The following NALF1 variants were observed in gnomAD, a reference collection of about 807,000 sequenced individuals.
The protein encoded by NALF1 is NALCN channel auxiliary factor 1.
Under a neutral mutation model 48.4 loss-of-function variants are expected in NALF1, and 3 were observed. That is an observed-to-expected ratio of 0.06 (90% CI 0.03 to 0.16). The LOEUF (loss-of-function observed/expected upper bound fraction) is 0.16, where lower values mean the gene tolerates loss of function less well. NALF1 is among the 10% of genes least tolerant of loss of function. NALF1 has a pLI of 1.00. For synonymous variants in NALF1, 262 were observed against 245.7 expected, an observed-to-expected ratio of 1.07 and a Z score of -0.62; for missense variants, 526 against 571.5, an observed-to-expected ratio of 0.92 and a Z score of 0.81.
intron 1 of NALF1, among the ~76,000 whole-genome samples, chr13:107,489,659 A>G (rs1029545582): frequency 6.6e-6 from 1 of 152,210 alleles, no homozygotes; most frequent in Non-Finnish European, 1.5e-5. Context: ...GCACAAAACT[A>G]TAAGAACCCT....
chr13:107,569,064 A>G (rs930954763), intron 1 of NALF1, among the ~76,000 whole-genome samples: 1 of 152,200 alleles, frequency 6.6e-6, no homozygotes, highest in Non-Finnish European at 1.5e-5. Context: ...TATATTTTAA[A>G]TTTACAAACT....
intron 1 of NALF1, among the ~76,000 whole-genome samples, chr13:107,807,345 C>A (rs1394919524): frequency 6.6e-6 from 1 of 152,054 alleles, no homozygotes; most frequent in Non-Finnish European, 1.5e-5. Flanking sequence ...TCTGCAAGAA[C>A]TAATAAAATC....
chr13:107,296,593 T>C (rs1276936477), intron 1 of NALF1, among the ~76,000 whole-genome samples: 1 of 152,170 alleles, frequency 6.6e-6, no homozygotes, highest in Non-Finnish European at 1.5e-5. Context: ...TCAGCTATAC[T>C]GAAGAAAATT....
intron 1 of NALF1, among the ~76,000 whole-genome samples, chr13:107,702,902 T>A (rs951790914): frequency 6.6e-5 from 10 of 152,202 alleles, no homozygotes; most frequent in African/African-American, 2.4e-4. Flanking sequence ...CTGTATAGTA[T>A]CCCATGGTGT....
intron 1 of NALF1, among the ~76,000 whole-genome samples, chr13:107,277,932 T>C (rs1260552479): frequency 6.6e-6 from 1 of 152,218 alleles, no homozygotes; most frequent in Non-Finnish European, 1.5e-5. Flanking sequence ...TAGATGAATG[T>C]CCATCCCACG....
In NALF1 at chr13:107,682,295, C is replaced by T. The variant is rs116253904; in HGVS notation, c.915+183387G>A. Among the ~76,000 whole-genome samples, 580 of 152,296 alleles carry T rather than the reference C, an allele frequency of 3.8e-3. 3 individuals carry two copies. The highest frequency in any genetic ancestry group is 0.013 in the African/African-American group (549 of 41,576). On this transcript the variant is annotated intron_variant, in intron 1 of 2. Coordinates refer to ENST00000375915, the MANE Select transcript of NALF1 (RefSeq NM_001080396.3). ...CGAAAACAGCCAGCAACTGTGATGGCGATGTCATCTATAAGGAGGAATCTG... is the reference window on the plus strand; with the variant it reads ...CGAAAACAGCCAGCAACTGTGATGGTGATGTCATCTATAAGGAGGAATCTG...
intron 1 of NALF1, among the ~76,000 whole-genome samples, chr13:107,240,417 T>C (rs189420002): frequency 1.3e-5 from 2 of 152,310 alleles, no homozygotes; most frequent in Non-Finnish European, 2.9e-5. Context: ...CATCTCTATC[T>C]CAGTTTCCTA....
At chr13:107,621,272 T>G (rs1879510612) in intron 1 of NALF1, among the ~76,000 whole-genome samples, 1 of 152,218 alleles carries the variant, frequency 6.6e-6, no homozygotes, top group Admixed American at 6.5e-5. Context: ...ATTATCTTTT[T>G]AAGTTAATTT....
At chr13:107,306,917 C>T (rs1034629920) in intron 1 of NALF1, among the ~76,000 whole-genome samples, 1 of 151,974 alleles carries the variant, frequency 6.6e-6, no homozygotes, top group Non-Finnish European at 1.5e-5. Flanking sequence ...GTGAGCACAC[C>T]ATTGCCCTTC....
chr13:107,592,165 T>A (rs571006603), intron 1 of NALF1, among the ~76,000 whole-genome samples: 1 of 151,986 alleles, frequency 6.6e-6, no homozygotes, highest in Non-Finnish European at 1.5e-5. Context: ...ATATTCTTAA[T>A]GACTTGTTAG....
intron 1 of NALF1, among the ~76,000 whole-genome samples, chr13:107,479,975 A>T (rs564965025): frequency 2.0e-5 from 3 of 152,236 alleles, no homozygotes; most frequent in South Asian, 2.1e-4. Flanking sequence ...AAGGAGATTG[A>T]CACTACGAAG....
At chr13:107,360,094 G>T (rs539546707) in intron 1 of NALF1, among the ~76,000 whole-genome samples, 1 of 152,276 alleles carries the variant, frequency 6.6e-6, no homozygotes, top group South Asian at 2.1e-4. Context: ...TATGCCAATA[G>T]AAATAATTGC....
chr13:107,607,410 A>T (rs1470752582), intron 1 of NALF1, among the ~76,000 whole-genome samples: 1 of 152,218 alleles, frequency 6.6e-6, no homozygotes, highest in Non-Finnish European at 1.5e-5. Context: ...AATGAAACGA[A>T]TATAGATTTA....
chr13:107,859,669 G>A (rs887224355), intron 1 of NALF1, among the ~76,000 whole-genome samples: 1 of 152,070 alleles, frequency 6.6e-6, no homozygotes, highest in Non-Finnish European at 1.5e-5. Flanking sequence ...TTAGAAGGCC[G>A]AGGTGGGTGG....
In NALF1 at chr13:107,726,923, G is replaced by C. The variant is rs1179012590; in HGVS notation, c.915+138759C>G. Among the ~76,000 whole-genome samples the C allele has an allele frequency of 1.3e-3, 199 of 148,184 alleles. 3 individuals carry two copies. Among genetic ancestry groups the C allele is most frequent in the Middle Eastern group, 6.9e-3 (2 of 290 alleles). On this transcript the variant is annotated intron_variant, in intron 1 of 2. Transcript: ENST00000375915. Reference sequence around the variant, plus strand: ...CCGGCCGGCAAATTCTTGTGTGTGTGTGTGTGTGTGTGTGTGTGTGTGTGT... The same window carrying C: ...CCGGCCGGCAAATTCTTGTGTGTGTCTGTGTGTGTGTGTGTGTGTGTGTGT...
chr13:107,432,570 T>G (rs547658309), intron 1 of NALF1, among the ~76,000 whole-genome samples: 1 of 152,226 alleles, frequency 6.6e-6, no homozygotes, highest in African/African-American at 2.4e-5. Flanking sequence ...ATTCAAGAAG[T>G]AGAATGTCTG....
chr13:107,619,358 T>A (rs187799553), intron 1 of NALF1, among the ~76,000 whole-genome samples: 3 of 152,202 alleles, frequency 2.0e-5, no homozygotes. Context: ...GACCTGGGTT[T>A]GTGAGAATCA....
chr13:107,343,787 T>A (rs963495490), intron 1 of NALF1, among the ~76,000 whole-genome samples: 1 of 152,038 alleles, frequency 6.6e-6, no homozygotes, highest in Non-Finnish European at 1.5e-5. Flanking sequence ...TGAATAAGAT[T>A]TATACCTAAA....
intron 1 of NALF1, among the ~76,000 whole-genome samples, chr13:107,631,889 C>T (rs917048388): frequency 6.6e-6 from 1 of 152,126 alleles, no homozygotes; most frequent in Non-Finnish European, 1.5e-5. Flanking sequence ...AATTCTCTCT[C>T]GTGCCACAGC....
Sources: allele counts gnomAD v4.1 joint callset (sites outside exome capture counted in the v4.1 genomes callset), GRCh38; gene constraint gnomAD v4.1.1; transcripts MANE v1.5; gene names NCBI Gene and HGNC (gene_info 2026-07-23, HGNC 2026-07-21).